SHC4: variants seen among roughly 807,000 people sequenced by gnomAD.
The protein encoded by SHC4 is SHC-transforming protein 4.
In SHC4, 41 loss-of-function variants were observed where a neutral mutation model predicts 69.4. The observed-to-expected ratio is 0.59, with a 90% CI of 0.46 to 0.77. The LOEUF is 0.77. Ranked by LOEUF, SHC4 falls within the 30% of genes least tolerant of loss-of-function variation. The pLI is 0.00. For missense variants in SHC4, 777 were observed against 783.8 expected (o/e 0.99, Z 0.10); for synonymous variants, 318 against 299.3 (o/e 1.06, Z -0.64).
chr15:48,826,229 A>C, intron 11 of SHC4, 103 bp from the exon 12 acceptor site: 1 of 1,106,458 alleles, frequency 9.0e-7, no homozygotes, highest in Non-Finnish European at 1.2e-6. Flanking sequence ...TAAAGTAGAT[A>C]CTTTGCTGAA....
At chr15:48,943,236 C>G (rs1193284998) in intron 1 of SHC4, among the ~76,000 whole-genome samples, 1 of 152,160 alleles carries the variant, frequency 6.6e-6, no homozygotes, top group African/African-American at 2.4e-5. Flanking sequence ...GTTTGGACCC[C>G]TTGACCTATA....
chr15:48,867,156 T>C (rs1026245684), intron 6 of SHC4, among the ~76,000 whole-genome samples: 1 of 152,194 alleles, frequency 6.6e-6, no homozygotes, highest in Non-Finnish European at 1.5e-5. Flanking sequence ...GTAAATAAAA[T>C]ATTAGGTTGG....
At chr15:48,859,741 T>C (rs1375933301) in intron 6 of SHC4, among the ~76,000 whole-genome samples, 26 of 152,208 alleles carry the variant, frequency 1.7e-4, no homozygotes, top group Non-Finnish European at 5.9e-5. Context: ...CATGTTCTTA[T>C]AGCTACTAGG....
At chr15:48,854,678 G>A (rs140449504) in intron 8 of SHC4, among the ~76,000 whole-genome samples, 75 of 152,300 alleles carry the variant, frequency 4.9e-4, no homozygotes, top group African/African-American at 1.7e-3. Flanking sequence ...CAACATGGAT[G>A]CTGCTGGAGG....
intron 11 of SHC4, among the ~76,000 whole-genome samples, chr15:48,831,647 G>C (rs930939145): frequency 6.6e-6 from 1 of 152,108 alleles, no homozygotes; most frequent in Non-Finnish European, 1.5e-5. Flanking sequence ...TTTGCACAAT[G>C]AAAAAATCAT....
intron 11 of SHC4, among the ~76,000 whole-genome samples, chr15:48,829,660 C>A (rs1242989147): frequency 6.6e-6 from 1 of 152,194 alleles, no homozygotes; most frequent in African/African-American, 2.4e-5. Context: ...TGGCTCACGC[C>A]TATAATCCCA....
intron 1 of SHC4, among the ~76,000 whole-genome samples, chr15:48,955,676 C>G (rs1901441040): frequency 6.6e-6 from 1 of 152,198 alleles, no homozygotes; most frequent in Non-Finnish European, 1.5e-5. Flanking sequence ...TCCCTCTTTT[C>G]TTCTCACTGC....
intron 8 of SHC4, among the ~76,000 whole-genome samples, chr15:48,853,960 AAT>A (rs565835627): frequency 1.3e-3 from 202 of 152,304 alleles, no homozygotes; most frequent in African/African-American, 4.6e-3. Context: ...TTGCAAGAAA[AAT>A]AAAAATGGAC....
chr15:48,866,416 G>T (rs1899560878), intron 6 of SHC4, among the ~76,000 whole-genome samples: 1 of 152,058 alleles, frequency 6.6e-6, no homozygotes, highest in South Asian at 2.1e-4. Flanking sequence ...GCAAACATTT[G>T]CTGAGGATCT....
At chr15:48,918,943 C>T (rs1355134891) in intron 2 of SHC4, among the ~76,000 whole-genome samples, 1 of 152,108 alleles carries the variant, frequency 6.6e-6, no homozygotes, top group African/African-American at 2.4e-5. Context: ...CCCAGGTCTG[C>T]TGTCACACCC....
chr15:48,903,673 T>G (rs1900354328), intron 2 of SHC4, among the ~76,000 whole-genome samples: 1 of 152,190 alleles, frequency 6.6e-6, no homozygotes, highest in East Asian at 1.9e-4. Context: ...ACCAGCAGCA[T>G]TAGCATCGCC....
intron 10 of SHC4, among the ~76,000 whole-genome samples, chr15:48,836,150 G>A (rs572027417): frequency 9.9e-5 from 15 of 151,624 alleles, no homozygotes; most frequent in East Asian, 5.9e-4. Context: ...CCAAGATCGC[G>A]CCACTGCACT....
intron 7 of SHC4, 64 bp from the exon 8 acceptor site, chr15:48,856,188 G>C: frequency 6.7e-7 from 1 of 1,490,388 alleles, no homozygotes; most frequent in South Asian, 1.3e-5. Context: ...AGGGATGCAA[G>C]GGGATCAGAA....
At chr15:48,951,291 T>C (rs1595768316) in intron 1 of SHC4, among the ~76,000 whole-genome samples, 2 of 151,966 alleles carry the variant, frequency 1.3e-5, no homozygotes, top group African/African-American at 2.4e-5. Flanking sequence ...TCCAAAGGGG[T>C]GAGAAGCTGG....
intron 1 of SHC4, among the ~76,000 whole-genome samples, chr15:48,948,989 G>A (rs1009115587): frequency 4.6e-5 from 7 of 152,128 alleles, no homozygotes; most frequent in African/African-American, 1.7e-4. Flanking sequence ...AACCTCATCC[G>A]TTCCCTCTCA....
chr15:48,929,178 TA>T (rs1271214359), intron 1 of SHC4, among the ~76,000 whole-genome samples: 1 of 152,190 alleles, frequency 6.6e-6, no homozygotes, highest in Non-Finnish European at 1.5e-5. Flanking sequence ...GGGCGGTGCA[TA>T]AAAATACTCT....
At chr15:48,878,683 G>A in intron 4 of SHC4, 1 of 1,614,014 alleles carries the variant, frequency 6.2e-7, no homozygotes, top group African/African-American at 1.3e-5. Context: ...TTTCACTGAT[G>A]GTTGTCAATC....
chr15:48,877,966 A>T (rs574110774), intron 4 of SHC4: 1 of 527,738 alleles, frequency 1.9e-6, no homozygotes, highest in Non-Finnish European at 3.2e-6. Context: ...GAATCGATGG[A>T]AACGTAGCTC....
At chr15:48,959,897 T>C (rs1901514089) in intron 1 of SHC4, among the ~76,000 whole-genome samples, 1 of 152,222 alleles carries the variant, frequency 6.6e-6, no homozygotes, top group Admixed American at 6.5e-5. Context: ...GATCTCACTC[T>C]GCTTTAACTC....
Sources: allele counts gnomAD v4.1 joint callset (sites outside exome capture counted in the v4.1 genomes callset), GRCh38; gene constraint gnomAD v4.1.1; transcripts MANE v1.5; gene names NCBI Gene and HGNC (gene_info 2026-07-23, HGNC 2026-07-21).